The following SRBD1 variants were observed in gnomAD, a reference collection of about 807,000 sequenced individuals.
SRBD1 encodes the protein S1 RNA binding domain 1.
Under a neutral mutation model 115.3 loss-of-function variants are expected in SRBD1, and 88 were observed. The observed-to-expected ratio is 0.76, with a 90% CI of 0.64 to 0.91. SRBD1 has a LOEUF of 0.91. Ranked by LOEUF, SRBD1 falls within the 40% of genes least tolerant of loss-of-function variation. The probability of loss-of-function intolerance (pLI) is 0.00; values close to 1 mark genes in which losing one functional copy is unlikely to be tolerated. For missense variants in SRBD1, 1,385 were observed against 1,177.4 expected (o/e 1.18, Z -2.58); for synonymous variants, 509 against 407.7 (o/e 1.25, Z -2.99).
chr2:45,457,664 C>T (rs961124843), intron 16 of SRBD1, among the ~76,000 whole-genome samples: 6 of 151,850 alleles, frequency 4.0e-5, no homozygotes, highest in Non-Finnish European at 5.9e-5. Context: ...AAAAATACCC[C>T]GACAAACACT....
chr2:45,601,799 G>GT, intron 3 of SRBD1, 104 bp downstream of exon 3: 1 of 1,463,726 alleles, frequency 6.8e-7, no homozygotes, highest in Non-Finnish European at 9.2e-7. Flanking sequence ...ATTGCTGGCA[G>GT]TTTTTGTCAT....
chr2:45,498,418 G>C (rs1440703518), intron 14 of SRBD1, among the ~76,000 whole-genome samples: 2 of 151,992 alleles, frequency 1.3e-5, no homozygotes, highest in Non-Finnish European at 2.9e-5. Context: ...AAAATTACTT[G>C]ATATATAACT....
At chr2:45,599,971 G>C (rs559309026) in intron 3 of SRBD1, 136 bp from the exon 4 acceptor site, 2 of 1,087,340 alleles carry the variant, frequency 1.8e-6, no homozygotes, top group South Asian at 1.7e-5. Context: ...ATTATGTTGA[G>C]TGGGAAAAAA....
chr2:45,423,739 G>A (rs1668073448), intron 16 of SRBD1, among the ~76,000 whole-genome samples: 1 of 151,944 alleles, frequency 6.6e-6, no homozygotes, highest in Non-Finnish European at 1.5e-5. Context: ...ACCTCAAGAA[G>A]AAAGAAACCT....
At chr2:45,432,948 C>CG (rs1247447378) in intron 16 of SRBD1, among the ~76,000 whole-genome samples, 1 of 152,092 alleles carries the variant, frequency 6.6e-6, no homozygotes, top group Non-Finnish European at 1.5e-5. Flanking sequence ...CCCTGAAGGA[C>CG]GAAAAGTATC....
chr2:45,389,499 T>G lies in SRBD1; in HGVS notation c.2799A>C (p.Gly933=). 1 of 1,614,068 alleles carries G rather than the reference T, an allele frequency of 6.2e-7. No homozygotes were observed. Among genetic ancestry groups the G allele is most frequent in the Middle Eastern group, 1.6e-4 (1 of 6,062 alleles). ...TCCCCACTCCTATATCCACAAAAATTCCAAAGAGAGTGGCATTCTCAACTT... is the reference window on the plus strand; with the variant it reads ...TCCCCACTCCTATATCCACAAAAATGCCAAAGAGAGTGGCATTCTCAACTT... ...TGKVENATLF[G]IFVDIGVGKS... is the part of the protein sequence containing the mutation. Residue 933 remains glycine (G), a synonymous_variant, in exon 21 of 21, where the codon GGA becomes GGC. Transcript: ENST00000263736.
At chr2:45,441,596 T>C (rs1572644867) in intron 16 of SRBD1, among the ~76,000 whole-genome samples, 2 of 152,284 alleles carry the variant, frequency 1.3e-5, no homozygotes, top group East Asian at 1.9e-4. Context: ...TCTTAGTACA[T>C]AGTAGCTACT....
chr2:45,419,702 A>T, intron 17 of SRBD1, 86 bp downstream of exon 17: 1 of 1,147,652 alleles, frequency 8.7e-7, no homozygotes, highest in Non-Finnish European at 1.3e-6. Flanking sequence ...AACTTTATAC[A>T]CGTGTTCCCT....
intron 14 of SRBD1, among the ~76,000 whole-genome samples, chr2:45,491,258 T>C (rs1011931417): frequency 6.6e-6 from 1 of 152,210 alleles, no homozygotes; most frequent in Non-Finnish European, 1.5e-5. Context: ...TTATCTCTAA[T>C]ATATTTTGAA....
intron 14 of SRBD1, among the ~76,000 whole-genome samples, chr2:45,521,893 G>C (rs1261788822): frequency 6.6e-6 from 1 of 151,840 alleles, no homozygotes; most frequent in Non-Finnish European, 1.5e-5. Flanking sequence ...GCTTGAGCCT[G>C]GGAGATTGAG....
At chr2:45,437,927 T>G (rs1028726163) in intron 16 of SRBD1, among the ~76,000 whole-genome samples, 8 of 152,210 alleles carry the variant, frequency 5.3e-5, no homozygotes, top group African/African-American at 1.7e-4. Context: ...TAAAATTTAG[T>G]GTCTTTATGA....
chr2:45,408,234 G>T (rs752190404), intron 19 of SRBD1, among the ~76,000 whole-genome samples: 2 of 152,130 alleles, frequency 1.3e-5, no homozygotes, highest in African/African-American at 4.8e-5. Flanking sequence ...AATATATAGA[G>T]TATGAACTAC....
At chr2:45,524,945 T>C (rs752988169) in intron 14 of SRBD1, among the ~76,000 whole-genome samples, 13 of 152,038 alleles carry the variant, frequency 8.6e-5, no homozygotes, top group Admixed American at 5.2e-4. Flanking sequence ...GATAGACTTA[T>C]AGATCAATGA....
chr2:45,553,690 T>A lies in SRBD1; in HGVS notation c.1450A>T (p.Ile484Phe), dbSNP rs1340323729. The A allele has an allele frequency of 9.9e-6, 16 of 1,608,204 alleles. No homozygotes were observed. Among genetic ancestry groups the A allele is most frequent in the Non-Finnish European group, 1.4e-5 (16 of 1,177,560 alleles). ...GAATCATTCAGTGAATTATATAAGA[T>A]CTTCATTAACTCTGGCCTTGCAAAG... ...RSFARPELMK[I>F]LYNSLNDSFK... Residue 484 changes from isoleucine (I) to phenylalanine (F), a missense_variant, in exon 11 of 21, where the codon ATC becomes TTC. By Grantham distance (21) the Ile-to-Phe change is conservative (BLOSUM62 0). Transcript: ENST00000263736.
chr2:45,436,538 G>A (rs989086183), intron 16 of SRBD1, among the ~76,000 whole-genome samples: 1 of 152,196 alleles, frequency 6.6e-6, no homozygotes, highest in Non-Finnish European at 1.5e-5. Context: ...GTTCCACATG[G>A]CTGGGGAGGC....
chr2:45,509,727 A>G (rs1670910265), intron 14 of SRBD1, among the ~76,000 whole-genome samples: 1 of 151,524 alleles, frequency 6.6e-6, no homozygotes, highest in African/African-American at 2.4e-5. Context: ...GTCTCCAGAT[A>G]TTTTTCTTTT....
chr2:45,418,339 G>T, intron 18 of SRBD1, 26 bp downstream of exon 18: 1 of 1,603,174 alleles, frequency 6.2e-7, no homozygotes, highest in Non-Finnish European at 8.5e-7. Context: ...GTTGACAATA[G>T]AATCAAAGTG....
At chr2:45,524,672 A>C (rs1485639853) in intron 14 of SRBD1, among the ~76,000 whole-genome samples, 3 of 152,038 alleles carry the variant, frequency 2.0e-5, no homozygotes, top group African/African-American at 7.2e-5. Context: ...AAGACATCAA[A>C]TGCTTATGGA....
chr2:45,539,645 C>G (rs1015541372), intron 14 of SRBD1, among the ~76,000 whole-genome samples: 2 of 152,118 alleles, frequency 1.3e-5, no homozygotes, highest in Admixed American at 6.6e-5. Context: ...TTCACACTAC[C>G]TGGGTGGTCA....
Sources: allele counts gnomAD v4.1 joint callset (sites outside exome capture counted in the v4.1 genomes callset), GRCh38; gene constraint gnomAD v4.1.1; transcripts MANE v1.5; gene names NCBI Gene and HGNC (gene_info 2026-07-23, HGNC 2026-07-21).